Variants in ZMIZ1 observed in about 807,000 individuals in gnomAD.
The protein encoded by ZMIZ1 is zinc finger MIZ-type containing 1.
A neutral mutation model predicts 113.9 loss-of-function variants in ZMIZ1; 17 were observed. That is an observed-to-expected ratio of 0.15 (90% confidence interval 0.10 to 0.22). The LOEUF is 0.22. Among genes scored for constraint, ZMIZ1 ranks in the 10% least tolerant of loss-of-function variants. The pLI, the probability that ZMIZ1 is intolerant of heterozygous loss-of-function variation, is 1.00. For missense variants in ZMIZ1, 1,059 were observed against 1,477.8 expected (o/e 0.72, Z 4.65); for synonymous variants, 607 against 603.1 (o/e 1.01, Z -0.09).
intron 1 of ZMIZ1, among the ~76,000 whole-genome samples, chr10:79,071,827 C>CT (rs942348654): frequency 6.6e-6 from 1 of 152,150 alleles, no homozygotes; most frequent in Non-Finnish European, 1.5e-5. Context: ...TTCTTCTGAG[C>CT]TTTATGATTT....
At chr10:79,107,601 C>T (rs575800733) in intron 1 of ZMIZ1, among the ~76,000 whole-genome samples, 4 of 152,298 alleles carry the variant, frequency 2.6e-5, no homozygotes, top group African/African-American at 7.2e-5. Flanking sequence ...TGGGCACCAC[C>T]GGGCGGTGGG....
intron 8 of ZMIZ1, among the ~76,000 whole-genome samples, chr10:79,284,985 G>A (rs1240498366): frequency 6.6e-6 from 1 of 152,152 alleles, no homozygotes; most frequent in East Asian, 1.9e-4. Context: ...TTCGTGCTAG[G>A]CGACTTCCCC....
chr10:79,232,689 A>G (rs528696711), intron 7 of ZMIZ1, among the ~76,000 whole-genome samples: 39 of 152,290 alleles, frequency 2.6e-4, no homozygotes, highest in Middle Eastern at 3.4e-3. Flanking sequence ...ACTGCCAATC[A>G]GTTAAGGAGT....
intron 2 of ZMIZ1, among the ~76,000 whole-genome samples, chr10:79,132,551 A>G (rs528881917): frequency 1.6e-3 from 245 of 152,342 alleles, no homozygotes; most frequent in African/African-American, 5.6e-3. Context: ...CCGTAAAAGT[A>G]TACTACATGG....
At chr10:79,269,814 T>A (rs1851842388) in intron 7 of ZMIZ1, among the ~76,000 whole-genome samples, 1 of 152,174 alleles carries the variant, frequency 6.6e-6, no homozygotes, top group Non-Finnish European at 1.5e-5. Flanking sequence ...CTGCCTCTGC[T>A]TTCTTGCTCC....
Position 79,299,096 on chromosome 10 carries a change from C to T in ZMIZ1, c.1713C>T (p.Gly571=), listed in dbSNP as rs756844568. The stretch of plus-strand genomic sequence containing the variant: ...GGCTCACATTCCCTGTGCGGGATGG[C>T]GTGGTGCTGGAGCCCTTCCGCCTGG... ...ELRLTFPVRD[G]VVLEPFRLEH... is the part of the protein sequence containing the mutation. Residue 571 remains glycine (G), a synonymous_variant, in exon 16 of 25, where the codon GGC becomes GGT. Coordinates refer to ENST00000334512, the MANE Select transcript of ZMIZ1 (RefSeq NM_020338.4). 4.3e-6 allele frequency: 7 copies of T among 1,612,452 alleles called. No individual in the cohort carries two copies. The highest frequency in any genetic ancestry group is 1.3e-5 in the African/African-American group (1 of 74,934).
chr10:79,214,768 A>T (rs1291580157), intron 6 of ZMIZ1, among the ~76,000 whole-genome samples: 1 of 152,016 alleles, frequency 6.6e-6, no homozygotes, highest in Non-Finnish European at 1.5e-5. Context: ...AGCCATAGCC[A>T]CTCCAGCTGC....
At chr10:79,109,367 AC>A (rs950137931) in intron 1 of ZMIZ1, among the ~76,000 whole-genome samples, 32 of 152,218 alleles carry the variant, frequency 2.1e-4, no homozygotes, top group African/African-American at 7.5e-4. Flanking sequence ...TGCAACACAC[AC>A]CCGGTGCCCA....
intron 1 of ZMIZ1, among the ~76,000 whole-genome samples, chr10:79,110,914 G>T (rs1030394849): frequency 6.6e-6 from 1 of 152,234 alleles, no homozygotes; most frequent in East Asian, 1.9e-4. Flanking sequence ...CTCATTAACA[G>T]GTATCCCAGT....
At chr10:79,157,245 G>A (rs1047987063) in intron 3 of ZMIZ1, among the ~76,000 whole-genome samples, 4 of 152,188 alleles carry the variant, frequency 2.6e-5, no homozygotes, top group African/African-American at 9.7e-5. Context: ...ACAGGATTGT[G>A]CTGAGGATGG....
Position 79,297,557 on chromosome 10 carries a change from G to A in ZMIZ1, c.1414-56G>A, listed in dbSNP as rs187955417. 120 of 1,464,596 alleles carry A rather than the reference G, an allele frequency of 8.2e-5. No homozygotes were observed. The East Asian group carries it at 2.4e-3, about 29-fold the overall frequency. 90.7% of individuals were successfully genotyped at this position (1,464,596 alleles called of 1,614,324 possible). A position where few individuals can be genotyped will look rare whatever the true frequency, so the allele number is the denominator to read the frequency against. ...AGATTTTACTGTCCAGAGGGAGAGCGGGCTTCTGATGGCTTTTCTGCCCCC... is the reference window on the plus strand; with the variant it reads ...AGATTTTACTGTCCAGAGGGAGAGCAGGCTTCTGATGGCTTTTCTGCCCCC... On this transcript the variant is annotated intron_variant, in intron 13 of 24. Coordinates refer to ENST00000334512, the MANE Select transcript of ZMIZ1 (RefSeq NM_020338.4).
intron 3 of ZMIZ1, among the ~76,000 whole-genome samples, chr10:79,160,423 C>T (rs1436506373): frequency 6.6e-6 from 1 of 152,226 alleles, no homozygotes; most frequent in African/African-American, 2.4e-5. Flanking sequence ...CATGCATCAG[C>T]TGACGTGTGT....
At chr10:79,272,504 T>TC (rs1208343627) in intron 7 of ZMIZ1, among the ~76,000 whole-genome samples, 2 of 152,224 alleles carry the variant, frequency 1.3e-5, no homozygotes, top group African/African-American at 4.8e-5. Context: ...CAAGGCGTCC[T>TC]CCCAGCCTGC....
At chr10:79,169,061 T>C (rs914331403) in intron 4 of ZMIZ1, among the ~76,000 whole-genome samples, 1 of 152,222 alleles carries the variant, frequency 6.6e-6, no homozygotes, top group Non-Finnish European at 1.5e-5. Context: ...GAGGCATCTT[T>C]AGGGACCTCT....
chr10:79,306,011 T>C, intron 21 of ZMIZ1, 89 bp from the exon 22 acceptor site: 1 of 1,542,162 alleles, frequency 6.5e-7, no homozygotes, highest in Non-Finnish European at 8.7e-7. Flanking sequence ...CTCAACAAGG[T>C]CACCTGGGTG....
chr10:79,308,988 C>T (rs995625140), intron 23 of ZMIZ1, among the ~76,000 whole-genome samples: 6 of 152,180 alleles, frequency 3.9e-5, no homozygotes, highest in African/African-American at 1.4e-4. Flanking sequence ...ATGGTCCTGT[C>T]CTCCATTTCT....
At chr10:79,142,785 A>G (rs1160061222) in intron 3 of ZMIZ1, among the ~76,000 whole-genome samples, 2 of 152,144 alleles carry the variant, frequency 1.3e-5, no homozygotes, top group African/African-American at 4.8e-5. Flanking sequence ...AGCTAGCACT[A>G]TGGACCTCCC....
intron 4 of ZMIZ1, among the ~76,000 whole-genome samples, chr10:79,196,287 C>G (rs1301901621): frequency 6.6e-6 from 1 of 152,240 alleles, no homozygotes; most frequent in African/African-American, 2.4e-5. Flanking sequence ...CATCTACCCA[C>G]CCTTGGGTCT....
At chr10:79,307,939 C>T (rs1264291503) in intron 23 of ZMIZ1, among the ~76,000 whole-genome samples, 4 of 152,170 alleles carry the variant, frequency 2.6e-5, no homozygotes, top group African/African-American at 4.8e-5. Flanking sequence ...CCAGCCACCT[C>T]AACTTTTGTC....
Sources: allele counts gnomAD v4.1 joint callset (sites outside exome capture counted in the v4.1 genomes callset), GRCh38; gene constraint gnomAD v4.1.1; transcripts MANE v1.5; gene names NCBI Gene and HGNC (gene_info 2026-07-23, HGNC 2026-07-21).